Variants in NNT observed in about 807,000 individuals in gnomAD.
NNT encodes the protein nicotinamide nucleotide transhydrogenase.
NNT carries 50 observed loss-of-function variants against 104.8 expected under a neutral mutation model. That is an observed-to-expected ratio of 0.48 (90% CI 0.38 to 0.60). The LOEUF is 0.60. Among genes scored for constraint, NNT ranks in the 20% least tolerant of loss-of-function variants. NNT has a pLI of 0.00. For missense variants in NNT, 1,131 were observed against 1,330.7 expected (o/e 0.85, Z 2.33); for synonymous variants, 461 against 490.4 (o/e 0.94, Z 0.79).
At chr5:43,697,888 G>A (rs557237609) in intron 19 of NNT, among the ~76,000 whole-genome samples, 229 of 152,242 alleles carry the variant, frequency 1.5e-3, no homozygotes, top group Non-Finnish European at 2.7e-3. Context: ...CCATGATTCA[G>A]TAATCTTCCA....
intron 7 of NNT, among the ~76,000 whole-genome samples, chr5:43,637,346 A>AT (rs1364836977): frequency 6.6e-6 from 1 of 152,200 alleles, no homozygotes; most frequent in Non-Finnish European, 1.5e-5. Context: ...ACATATATGT[A>AT]TAAAAACCCT....
chr5:43,633,475 C>T (rs1178651188), intron 7 of NNT, among the ~76,000 whole-genome samples: 1 of 152,190 alleles, frequency 6.6e-6, no homozygotes, highest in Non-Finnish European at 1.5e-5. Context: ...AAATCCTACT[C>T]AACTCAATTA....
At chr5:43,677,847 ATGTG>A in intron 19 of NNT, 41 bp downstream of exon 19, 1 of 1,485,840 alleles carries the variant, frequency 6.7e-7, no homozygotes, top group Non-Finnish European at 9.4e-7. Flanking sequence ...ATGTGTAAAG[ATGTG>A]TGTGTGGAGA....
intron 7 of NNT, among the ~76,000 whole-genome samples, chr5:43,632,199 C>G (rs1331561420): frequency 6.6e-6 from 1 of 152,036 alleles, no homozygotes; most frequent in East Asian, 1.9e-4. Context: ...TGCCTGGGTC[C>G]CCTGATGATG....
intron 19 of NNT, among the ~76,000 whole-genome samples, chr5:43,681,259 CAAAAAAA>C (rs559273026): frequency 1.7e-5 from 1 of 58,706 alleles, no homozygotes; most frequent in Non-Finnish European, 3.8e-5. Flanking sequence ...GGCTCCTTCT[CAAAAAAA>C]AAAAAAAAAA....
At chr5:43,642,782 T>C (rs190070872) in intron 7 of NNT, among the ~76,000 whole-genome samples, 16 of 152,256 alleles carry the variant, frequency 1.1e-4, no homozygotes, top group African/African-American at 3.9e-4. Context: ...ACACTTCACT[T>C]GTATCTTCAC....
intron 7 of NNT, among the ~76,000 whole-genome samples, chr5:43,638,264 C>T (rs1457851213): frequency 2.0e-5 from 3 of 152,100 alleles, no homozygotes; most frequent in Admixed American, 6.6e-5. Flanking sequence ...CCAGTCTCGG[C>T]CAGCAATTTA....
chr5:43,686,338 A>G (rs1406037380), intron 19 of NNT, among the ~76,000 whole-genome samples: 1 of 151,908 alleles, frequency 6.6e-6, no homozygotes, highest in Non-Finnish European at 1.5e-5. Context: ...GCCTAATCAT[A>G]TCTGTTAAAT....
intron 17 of NNT, among the ~76,000 whole-genome samples, chr5:43,663,106 A>T (rs1740457604): frequency 1.3e-5 from 2 of 152,176 alleles, no homozygotes; most frequent in East Asian, 3.9e-4. Context: ...GGTTTAATTA[A>T]TGTTTAATTT....
rs533854658 is a variant in NNT, at chr5:43,705,633, G to A, written c.*1229G>A. 6 of 152,154 alleles carry A rather than the reference G, an allele frequency of 3.9e-5. No individual in the cohort carries two copies. In the East Asian group the frequency reaches 1.2e-3, roughly 29 times the overall value. The allele number at this position is 152,154 out of a possible 1,614,324, so 9.4% of individuals were successfully genotyped here. A position where few individuals can be genotyped will look rare whatever the true frequency, so the allele number is the denominator to read the frequency against. ...CTCAAAAAATTATTAACACATGAAA[G>A]ACAATCTCTAAACCAGAAAAAGAAG... On this transcript the variant is annotated 3_prime_UTR_variant, in exon 22 of 22. Coordinates refer to ENST00000344920, the MANE Select transcript of NNT (RefSeq NM_182977.3).
At chr5:43,618,092 G>A (rs1451867339) in intron 4 of NNT, among the ~76,000 whole-genome samples, 2 of 152,120 alleles carry the variant, frequency 1.3e-5, no homozygotes, top group Non-Finnish European at 2.9e-5. Context: ...TGAAATTAGT[G>A]TAGCATGTTA....
At chr5:43,667,294 T>C in intron 17 of NNT, 1 of 661,494 alleles carries the variant, frequency 1.5e-6, no homozygotes, top group Non-Finnish European at 2.7e-6. Flanking sequence ...TATTATACTT[T>C]AAGTTCTAGG....
In NNT at chr5:43,702,635, C is replaced by A; in HGVS notation, c.3010C>A (p.Leu1004Ile). 1 of 1,605,296 alleles carries A rather than the reference C, an allele frequency of 6.2e-7. No individual in the cohort carries two copies. Among genetic ancestry groups the A allele is most frequent in the Non-Finnish European group, 8.5e-7 (1 of 1,175,150 alleles). Residue 1004 changes from leucine to isoleucine, a missense_variant, in exon 21 of 22, where the codon CTT (leucine) becomes ATT (isoleucine). Physicochemically the swap from Leu to Ile is conservative, Grantham distance 5 (BLOSUM62 2). Transcript: ENST00000344920. The stretch of plus-strand genomic sequence containing the variant: ...TTATTATATAGATACTGATTTGGTC[C>A]TTGTAATTGGAGCTAATGACACTGT... ...NHDFPDTDLV[L>I]VIGANDTVNS...
At chr5:43,672,390 T>C (rs1446044854) in intron 17 of NNT, among the ~76,000 whole-genome samples, 1 of 152,252 alleles carries the variant, frequency 6.6e-6, no homozygotes, top group Non-Finnish European at 1.5e-5. Flanking sequence ...GCTTTTCTGC[T>C]CTGTATTTTC....
chr5:43,688,757 A>C (rs1742111222), intron 19 of NNT, among the ~76,000 whole-genome samples: 3 of 152,046 alleles, frequency 2.0e-5, no homozygotes, highest in African/African-American at 7.2e-5. Context: ...ATTCCTTTTT[A>C]TGGCTGAGAT....
intron 1 of NNT, among the ~76,000 whole-genome samples, chr5:43,607,086 C>T (rs1439552287): frequency 1.3e-5 from 2 of 151,818 alleles, no homozygotes; most frequent in African/African-American, 4.8e-5. Context: ...TCACTGCAAC[C>T]TTTGCCTCCC....
intron 19 of NNT, among the ~76,000 whole-genome samples, chr5:43,695,700 G>A (rs911498424): frequency 1.7e-4 from 26 of 152,162 alleles, no homozygotes; most frequent in African/African-American, 5.6e-4. Flanking sequence ...ACGTGAGATT[G>A]GGCAATTCAC....
chr5:43,666,691 C>T (rs1188605796), intron 17 of NNT: 2 of 821,022 alleles, frequency 2.4e-6, no homozygotes, highest in Non-Finnish European at 3.8e-6. Context: ...GACCCCAGCC[C>T]CATGCAGATG....
chr5:43,658,966 T>C (rs1252834359), intron 16 of NNT, among the ~76,000 whole-genome samples: 1 of 152,106 alleles, frequency 6.6e-6, no homozygotes, highest in Non-Finnish European at 1.5e-5. Flanking sequence ...AGGGATTTTT[T>C]TTTAGGGGGG....
Sources: gnomAD v4.1 joint callset for allele counts (sites outside exome capture counted in the v4.1 genomes callset) on GRCh38, gnomAD v4.1.1 for gene constraint, MANE v1.5 for transcripts, NCBI Gene and HGNC (gene_info 2026-07-23, HGNC 2026-07-21) for gene names.